The following OSBPL2 variants were observed in gnomAD, a reference collection of about 807,000 sequenced individuals.
OSBPL2 encodes oxysterol binding protein like 2, also known as oxysterol-binding protein-related protein 2.
OSBPL2 carries 18 observed loss-of-function variants against 58.4 expected under a neutral mutation model. That is an observed-to-expected ratio of 0.31 (90% confidence interval 0.21 to 0.46). OSBPL2 has a LOEUF of 0.46. Ranked by LOEUF, OSBPL2 falls within the 20% of genes least tolerant of loss-of-function variation. OSBPL2 has a pLI of 1.00. For missense variants in OSBPL2, 461 were observed against 616.5 expected (o/e 0.75, Z 2.67); for synonymous variants, 221 against 234.1 (o/e 0.94, Z 0.51).
intron 3 of OSBPL2, among the ~76,000 whole-genome samples, chr20:62,261,336 A>G (rs892087373): frequency 1.3e-5 from 2 of 149,540 alleles, no homozygotes; most frequent in African/African-American, 4.9e-5. Flanking sequence ...AAAAAAAAAA[A>G]GGCACAAAGG....
At chr20:62,285,290 G>C (rs1321219108) in intron 10 of OSBPL2, 5 of 152,206 alleles carry the variant, frequency 3.3e-5, no homozygotes, top group Admixed American at 3.3e-4. Flanking sequence ...ATGCTTTCCT[G>C]CTCCTTGAGG....
At chr20:62,257,337 A>G (rs1371322792) in intron 2 of OSBPL2, among the ~76,000 whole-genome samples, 1 of 152,206 alleles carries the variant, frequency 6.6e-6, no homozygotes, top group Non-Finnish European at 1.5e-5. Flanking sequence ...CTGGCAGCTC[A>G]AGATGGTTGA....
intron 1 of OSBPL2, among the ~76,000 whole-genome samples, chr20:62,250,563 C>T (rs1980457676): frequency 1.3e-5 from 2 of 152,142 alleles, no homozygotes; most frequent in Non-Finnish European, 2.9e-5. Context: ...TAAAGATTTC[C>T]CATAAGCTGT....
chr20:62,246,143 G>A (rs571561776), intron 1 of OSBPL2, among the ~76,000 whole-genome samples: 1 of 152,362 alleles, frequency 6.6e-6, no homozygotes, highest in South Asian at 2.1e-4. Context: ...TGCTGCCGCC[G>A]CCTCCATCTT....
At chr20:62,261,093 G>A (rs891783743) in intron 3 of OSBPL2, among the ~76,000 whole-genome samples, 5 of 152,072 alleles carry the variant, frequency 3.3e-5, no homozygotes, top group East Asian at 3.9e-4. Context: ...CGAGGTGGGC[G>A]GATCATGAGG....
chr20:62,262,940 G>T (rs946397328), intron 3 of OSBPL2, among the ~76,000 whole-genome samples: 1 of 152,124 alleles, frequency 6.6e-6, no homozygotes, highest in African/African-American at 2.4e-5. Context: ...GGTCTGGCAC[G>T]CCTCTCCCCA....
intron 2 of OSBPL2, 66 bp downstream of exon 2, chr20:62,256,287 G>C: frequency 2.0e-6 from 3 of 1,477,792 alleles, no homozygotes; most frequent in East Asian, 4.5e-5. Context: ...TCAGATGTTG[G>C]ACCTGGCGTT....
Position 62,238,568 on chromosome 20 carries a change from T to A in OSBPL2, c.-158T>A, listed in dbSNP as rs1979485265. 6.7e-6 allele frequency: 1 copy of A among 148,990 alleles called. No homozygotes were observed. The highest frequency in any genetic ancestry group is 1.5e-5 in the Non-Finnish European group (1 of 66,838). 9.2% of individuals were successfully genotyped at this position (148,990 alleles called of 1,614,324 possible). A position where few individuals can be genotyped will look rare whatever the true frequency, so the allele number is the denominator to read the frequency against. On this transcript the variant is annotated 5_prime_UTR_variant, in exon 1 of 14. Transcript: ENST00000313733. ...GGGCGGGGGCGGGGCGGCAGTGAGCTCGGCCGGCAACCGAGGGACCCGCGT... is the reference window on the plus strand; with the variant it reads ...GGGCGGGGGCGGGGCGGCAGTGAGCACGGCCGGCAACCGAGGGACCCGCGT...
rs149622065 is a variant in OSBPL2, at chr20:62,287,738, A to G, written c.1125+1027A>G. Among the ~76,000 whole-genome samples, 703 of 152,380 alleles carry G rather than the reference A, an allele frequency of 4.6e-3. 4 individuals carry two copies. The highest frequency in any genetic ancestry group is 0.016 in the African/African-American group (653 of 41,582). ...CTCCTGAGTTGCTGGGACCACAGGC[A>G]TGAGACACTGTGGCCTGCCAATGAT... On this transcript the variant is annotated intron_variant, in intron 11 of 13. Transcript: ENST00000313733.
chr20:62,272,643 A>G (rs1982138107), intron 5 of OSBPL2, among the ~76,000 whole-genome samples: 1 of 152,184 alleles, frequency 6.6e-6, no homozygotes. Flanking sequence ...TCATGCCTGT[A>G]ATCCCAACAC....
chr20:62,248,185 C>T (rs1205012659), intron 1 of OSBPL2, among the ~76,000 whole-genome samples: 11 of 132,632 alleles, frequency 8.3e-5, no homozygotes, highest in African/African-American at 2.9e-4. Flanking sequence ...GACAGGGTCT[C>T]GCTCTGTTGC....
At chr20:62,250,073 G>C (rs1275667204) in intron 1 of OSBPL2, among the ~76,000 whole-genome samples, 3 of 152,266 alleles carry the variant, frequency 2.0e-5, no homozygotes, top group African/African-American at 7.2e-5. Flanking sequence ...ACTTGCCCAA[G>C]AAGGGCCCTC....
chr20:62,275,899 T>C (rs1413476729), intron 6 of OSBPL2, among the ~76,000 whole-genome samples: 1 of 145,754 alleles, frequency 6.9e-6, no homozygotes, highest in East Asian at 2.0e-4. Context: ...TTATGTGTTA[T>C]TAATGATTGA....
intron 9 of OSBPL2, chr20:62,282,242 C>T (rs1348256719): frequency 5.0e-6 from 1 of 201,884 alleles, no homozygotes; most frequent in Non-Finnish European, 1.0e-5. Flanking sequence ...CTTCTACCAG[C>T]ACCCCATGCA....
chr20:62,286,422 C>T, intron 10 of OSBPL2, 161 bp from the exon 11 acceptor site: 1 of 739,636 alleles, frequency 1.4e-6, no homozygotes. Flanking sequence ...TGCACTCCAG[C>T]CTGGGCAACA....
In OSBPL2 at chr20:62,248,930, C is replaced by G. The variant is rs530136733; in HGVS notation, c.-128-7127C>G. 3.5e-4 allele frequency among the ~76,000 whole-genome samples: 53 copies of G among 152,184 alleles called. 1 individual carries two copies. The South Asian group carries it at 0.011, about 32-fold the overall frequency. ...CTCAGGCTGGTCTTAAACTCCTGGG[C>G]TCAAGCCATCTGCCACCTTGGCTTC... On this transcript the variant is annotated intron_variant, in intron 1 of 13. Transcript: ENST00000313733.
chr20:62,273,261 C>G, intron 5 of OSBPL2, 48 bp from the exon 6 acceptor site: 1 of 1,463,302 alleles, frequency 6.8e-7, no homozygotes, highest in South Asian at 1.2e-5. Flanking sequence ...TTCTCCAGCG[C>G]GTTTCCTAAC....
intron 13 of OSBPL2, 104 bp from the exon 14 acceptor site, chr20:62,293,681 C>A: frequency 1.1e-6 from 1 of 945,204 alleles, no homozygotes; most frequent in Non-Finnish European, 1.5e-6. Context: ...CCCACGTTAC[C>A]GTGATGGTGC....
In OSBPL2 at chr20:62,295,654, A is replaced by C. The variant is rs1324315152; in HGVS notation, c.*1767A>C. 2 of 152,146 alleles carry C rather than the reference A, an allele frequency of 1.3e-5. No individual in the cohort carries two copies. Among genetic ancestry groups the C allele is most frequent in the Admixed American group, 6.6e-5 (1 of 15,264 alleles). The allele number at this position is 152,146 out of a possible 1,614,324, so 9.4% of individuals were successfully genotyped here. A position where few individuals can be genotyped will look rare whatever the true frequency, so the allele number is the denominator to read the frequency against. ...AGGATTCAGGATTGTGGCGTTATTC[A>C]AAGAGGAGACTTTGAAATTCCCCGA... On this transcript the variant is annotated 3_prime_UTR_variant, in exon 14 of 14. Coordinates refer to ENST00000313733, the MANE Select transcript of OSBPL2 (RefSeq NM_144498.4). The surrounding 1 kb of genome is among the most constrained non-coding windows in gnomAD (Gnocchi z 4.8).
Sources: allele counts gnomAD v4.1 joint callset (sites outside exome capture counted in the v4.1 genomes callset), GRCh38; gene constraint gnomAD v4.1.1; non-coding constraint Gnocchi (gnomAD v3.1); transcripts MANE v1.5; gene names NCBI Gene and HGNC (gene_info 2026-07-23, HGNC 2026-07-21).